HPR: variants seen among roughly 807,000 people sequenced by gnomAD.
The protein encoded by HPR is Haptoglobin-related locus.
A neutral mutation model predicts 18.5 loss-of-function variants in HPR; 17 were observed. The ratio of observed to expected loss-of-function variants is 0.92; its 90% CI spans 0.63 to 1.38. HPR has a LOEUF of 1.38. HPR is among the 40% of genes most tolerant of loss of function. HPR has a pLI of 0.00. For missense variants in HPR, 457 were observed against 432.4 expected (o/e 1.06, Z -0.51); for synonymous variants, 176 against 165.0 (o/e 1.07, Z -0.51).
intron 1 of HPR, among the ~76,000 whole-genome samples, chr16:72,065,045 T>A (rs2041583341): frequency 6.6e-6 from 1 of 152,172 alleles, no homozygotes; most frequent in Non-Finnish European, 1.5e-5. Flanking sequence ...GTCACTATAT[T>A]CTGGTGGCTG....
intron 1 of HPR, among the ~76,000 whole-genome samples, chr16:72,072,641 C>G (rs1430310943): frequency 6.6e-6 from 1 of 152,074 alleles, no homozygotes; most frequent in Non-Finnish European, 1.5e-5. Context: ...CTCTTGCCAT[C>G]AGAATAGGGT....
rs1182559935 is a variant in HPR at position 72,077,177 on chromosome 16, G to A, written c.*96G>A. 2 of 1,299,448 alleles carry A rather than the reference G, an allele frequency of 1.5e-6. No individual in the cohort carries two copies. Among genetic ancestry groups the A allele is most frequent in the East Asian group, 2.4e-5 (1 of 42,286 alleles). The allele number at this position is 1,299,448 out of a possible 1,614,324, so 80.5% of individuals were successfully genotyped here. A position where few individuals can be genotyped will look rare whatever the true frequency, so the allele number is the denominator to read the frequency against. On this transcript the variant is annotated 3_prime_UTR_variant, in exon 5 of 5. Transcript: ENST00000540303. ...TGGACAGGAGTGGATGCGATAAGAT[G>A]TGGTTTGAAGCTGATGGGTGCCAGC...
At chr16:72,073,386 T>G (rs191097206) in intron 1 of HPR, among the ~76,000 whole-genome samples, 10 of 152,256 alleles carry the variant, frequency 6.6e-5, no homozygotes, top group African/African-American at 2.4e-4. Flanking sequence ...AATTATATAT[T>G]TAAGGAATCT....
At chr16:72,074,561 T>A in intron 3 of HPR, 176 bp downstream of exon 3, 2 of 736,150 alleles carry the variant, frequency 2.7e-6, no homozygotes, top group Non-Finnish European at 5.0e-6. Context: ...GCAGACTAAC[T>A]TTTGTCAGCC....
chr16:72,071,767 T>C (rs141768312), intron 1 of HPR, among the ~76,000 whole-genome samples: 40 of 152,248 alleles, frequency 2.6e-4, no homozygotes, highest in African/African-American at 9.4e-4. Context: ...CCATTGGCTA[T>C]CCCTTTCACC....
chr16:72,072,493 A>G (rs1045350278), intron 1 of HPR, among the ~76,000 whole-genome samples: 1 of 152,224 alleles, frequency 6.6e-6, no homozygotes, highest in African/African-American at 2.4e-5. Context: ...TCCAGGTGGG[A>G]TCACACCAAA....
intron 1 of HPR, among the ~76,000 whole-genome samples, chr16:72,067,022 C>T (rs2041605227): frequency 1.3e-5 from 2 of 152,052 alleles, no homozygotes; most frequent in African/African-American, 4.8e-5. Context: ...CATAGAAAAG[C>T]AAGACCAAAA....
Position 72,076,430 on chromosome 16 carries a change from G to C in HPR, c.396G>C (p.Thr132=). 1 of 1,614,164 alleles carries C rather than the reference G, an allele frequency of 6.2e-7. No individual in the cohort carries two copies. The highest frequency in any genetic ancestry group is 8.5e-7 in the Non-Finnish European group (1 of 1,180,036). ...VSHHNLTTGA[T]LINEQWLLTT... ...ACCATAATCTCACCACAGGGGCCACGCTGATCAATGAACAATGGCTGCTGA... is the reference window on the plus strand; with the variant it reads ...ACCATAATCTCACCACAGGGGCCACCCTGATCAATGAACAATGGCTGCTGA... Residue 132 remains threonine (T), a synonymous_variant, in exon 5 of 5, where the codon ACG becomes ACC. Transcript: ENST00000540303.
rs144648182 is a variant in HPR at position 72,076,690 on chromosome 16, G to C, written c.656G>C (p.Arg219Pro). 2.4e-5 allele frequency: 38 copies of C among 1,614,084 alleles called. No individual in the cohort carries two copies. The highest frequency in any genetic ancestry group is 1.3e-4 in the East Asian group (6 of 44,892). ...LPSKNYAEVG[R>P]VGYVSGWGQS... Reference sequence around the variant, plus strand: ...TCAAAGAATTATGCAGAAGTAGGGCGTGTGGGTTACGTGTCTGGCTGGGGA... The same window carrying C: ...TCAAAGAATTATGCAGAAGTAGGGCCTGTGGGTTACGTGTCTGGCTGGGGA... The change falls in exon 5 of 5, where the codon CGT becomes CCT. Residue 219 changes from arginine (R) to proline (P), a missense_variant. Arg to Pro is a moderately radical substitution (Grantham distance 103). Coordinates refer to ENST00000540303, the MANE Select transcript of HPR (RefSeq NM_020995.4).
At chr16:72,063,833 C>T (rs902279813) in intron 1 of HPR, among the ~76,000 whole-genome samples, 1 of 152,086 alleles carries the variant, frequency 6.6e-6, no homozygotes, top group Admixed American at 6.5e-5. Flanking sequence ...ACCTCCCCCT[C>T]CCCGGTTCAA....
Position 72,077,000 on chromosome 16 carries a change from C to T in HPR, c.966C>T (p.Ser322=). ...YAAGILSFDK[S]CAVAEYGVYV... is the part of the protein sequence containing the mutation. ...CTGGGATCCTAAGCTTTGATAAGAG[C>T]TGTGCTGTGGCTGAGTATGGTGTGT... The change falls in exon 5 of 5, where the codon AGC becomes AGT. Residue 322 remains serine (S), a synonymous_variant. Transcript: ENST00000540303. 3 of 1,614,148 alleles carry T rather than the reference C, an allele frequency of 1.9e-6. No homozygotes were observed. The highest frequency in any genetic ancestry group is 2.5e-6 in the Non-Finnish European group (3 of 1,180,038).
rs543317315 is a variant in HPR, at chr16:72,072,681, C to T, written c.6-1211C>T. On this transcript the variant is annotated intron_variant, in intron 1 of 4. Transcript: ENST00000540303. ...TATTCTTGTAGGATGCTGTGTCATA[C>T]CCTGTGCCCTAGGATTAATACAAAA... Among the ~76,000 whole-genome samples, 13 of 152,200 alleles carry T rather than the reference C, an allele frequency of 8.5e-5. No homozygotes were observed. The South Asian group carries it at 1.9e-3, about 22-fold the overall frequency.
intron 1 of HPR, among the ~76,000 whole-genome samples, chr16:72,067,756 C>G (rs986103605): frequency 6.6e-6 from 1 of 152,088 alleles, no homozygotes; most frequent in Non-Finnish European, 1.5e-5. Flanking sequence ...CTGTATGTCT[C>G]CTTATAACAC....
Position 72,077,136 on chromosome 16 carries a change from G to A in HPR, c.*55G>A. Reference sequence around the variant, plus strand: ...AAGCAAGATTTCAGCCTGGAAGAGGGCAAAGTGGACGGGAGTGGACAGGAG... The same window carrying A: ...AAGCAAGATTTCAGCCTGGAAGAGGACAAAGTGGACGGGAGTGGACAGGAG... On this transcript the variant is annotated 3_prime_UTR_variant, in exon 5 of 5. Coordinates refer to ENST00000540303, the MANE Select transcript of HPR (RefSeq NM_020995.4). The A allele has an allele frequency of 6.4e-7, 1 of 1,554,176 alleles. No individual in the cohort carries two copies. The highest frequency in any genetic ancestry group is 2.3e-5 in the East Asian group (1 of 44,310).
At position 72,073,956 on chromosome 16, in the gene HPR, A is replaced by T. The variant is rs1030346468; in HGVS notation, c.70A>T (p.Asn24Tyr). 5.0e-6 allele frequency: 8 copies of T among 1,613,936 alleles called. No homozygotes were observed. In the African/African-American group the frequency reaches 9.3e-5, roughly 19 times the overall value. Residue 24 changes from asparagine to tyrosine, a missense_variant, in exon 2 of 5, where the codon AAT (asparagine) becomes TAT (tyrosine). Transcript: ENST00000540303. ...ACAGCTTTTTGCACTGTACTCAGGCAATGATGTCACGGATATTTCAGGTCA... is the reference window on the plus strand; with the variant it reads ...ACAGCTTTTTGCACTGTACTCAGGCTATGATGTCACGGATATTTCAGGTCA... The part of the protein sequence containing the change: ...GRQLFALYSG[N>Y]DVTDISDDRF...
chr16:72,066,673 C>T (rs1303746577), intron 1 of HPR, among the ~76,000 whole-genome samples: 1 of 152,122 alleles, frequency 6.6e-6, no homozygotes, highest in African/African-American at 2.4e-5. Flanking sequence ...AGAAGATCCC[C>T]TTGGGCAAAG....
rs561835145 is a variant in HPR at position 72,076,636 on chromosome 16, A to G, written c.602A>G (p.Asn201Ser). 6.2e-7 allele frequency: 1 copy of G among 1,614,200 alleles called. No homozygotes were observed. Among genetic ancestry groups the G allele is most frequent in the Admixed American group, 1.7e-5 (1 of 60,024 alleles). ...LIKLKQKVLV[N>S]ERVMPICLPS... is the part of the protein sequence containing the mutation. The stretch of plus-strand genomic sequence containing the variant: ...AAACTCAAACAGAAGGTGCTTGTTA[A>G]TGAGAGAGTGATGCCCATCTGCCTA... Residue 201 changes from asparagine to serine, a missense_variant, in exon 5 of 5, where the codon AAT becomes AGT. Coordinates refer to ENST00000540303, the MANE Select transcript of HPR (RefSeq NM_020995.4).
At chr16:72,068,631 G>A (rs374343789) in intron 1 of HPR, among the ~76,000 whole-genome samples, 10 of 152,276 alleles carry the variant, frequency 6.6e-5, no homozygotes, top group Middle Eastern at 3.4e-3. Context: ...TTATCCAAGA[G>A]CACAGAGGCT....
At chr16:72,067,338 A>G (rs1052907951) in intron 1 of HPR, among the ~76,000 whole-genome samples, 4 of 152,176 alleles carry the variant, frequency 2.6e-5, no homozygotes, top group African/African-American at 9.6e-5. Context: ...AAGAACTTAT[A>G]GTCTCTGAGA....
Sources: gnomAD v4.1 joint callset for allele counts (sites outside exome capture counted in the v4.1 genomes callset) on GRCh38, gnomAD v4.1.1 for gene constraint, MANE v1.5 for transcripts, NCBI Gene and HGNC (gene_info 2026-07-23, HGNC 2026-07-21) for gene names.